RHOD: variants seen among roughly 807,000 people sequenced by gnomAD.
The protein encoded by RHOD is ras homolog family member D, also known as rho-related GTP-binding protein RhoD.
A neutral mutation model predicts 16.7 loss-of-function variants in RHOD; 11 were observed. The observed-to-expected ratio is 0.66, with a 90% CI of 0.41 to 1.09. The LOEUF is 1.09. RHOD is among the 50% of genes least tolerant of loss of function. The pLI is 0.00. For missense variants in RHOD, 271 were observed against 291.7 expected (o/e 0.93, Z 0.52); for synonymous variants, 124 against 126.3 (o/e 0.98, Z 0.12).
intron 3 of RHOD, 59 bp downstream of exon 3, chr11:67,066,906 C>T (rs1322343048): frequency 8.9e-7 from 1 of 1,128,688 alleles, no homozygotes; most frequent in Non-Finnish European, 1.4e-6. Context: ...CACTCTGCCA[C>T]CCACCCTCGA....
intron 4 of RHOD, among the ~76,000 whole-genome samples, chr11:67,070,942 A>G (rs1169006185): frequency 6.6e-6 from 1 of 152,112 alleles, no homozygotes; most frequent in Non-Finnish European, 1.5e-5. Flanking sequence ...GGTTAAAAAC[A>G]ACGAAGGCTG....
At chr11:67,062,952 G>A (rs555647706) in intron 1 of RHOD, among the ~76,000 whole-genome samples, 1 of 152,314 alleles carries the variant, frequency 6.6e-6, no homozygotes, top group South Asian at 2.1e-4. Context: ...ATTTTCATCT[G>A]TGTACAAAAC....
rs779217012 is a variant in RHOD at position 67,070,421 on chromosome 11, G to A, written c.331-4G>A. 6 of 1,613,572 alleles carry A rather than the reference G, an allele frequency of 3.7e-6. No homozygotes were observed. The highest frequency in any genetic ancestry group is 4.2e-6 in the Non-Finnish European group (5 of 1,179,856). ...CCCCCACATGCCCCCTCGCCCCCCT[G>A]CAGTGGTACCCAGAAGTGAATCATT... On this transcript the variant is annotated splice_polypyrimidine_tract_variant and splice_region_variant and intron_variant, in intron 3 of 4. Transcript: ENST00000308831.
At chr11:67,058,078 C>A (rs539629120) in intron 1 of RHOD, among the ~76,000 whole-genome samples, 1 of 152,230 alleles carries the variant, frequency 6.6e-6, no homozygotes, top group South Asian at 2.1e-4. Flanking sequence ...TCACTGCAAC[C>A]TCCGCCTCCT....
rs149212155 is a variant in RHOD at position 67,058,397 on chromosome 11, C to T, written c.132+1363C>T. ...TTCGCCATGTTGGCCAGAATGGTCT[C>T]GATCATTTGACCTGGTGATCCGCCC... On this transcript the variant is annotated intron_variant, in intron 1 of 4. Coordinates refer to ENST00000308831, the MANE Select transcript of RHOD (RefSeq NM_014578.4). 6.1e-3 allele frequency among the ~76,000 whole-genome samples: 935 copies of T among 152,208 alleles called. 9 individuals are homozygous for T. The highest frequency in any genetic ancestry group is 0.021 in the African/African-American group (864 of 41,536).
chr11:67,064,467 C>T (rs566872646), intron 1 of RHOD, among the ~76,000 whole-genome samples: 1 of 151,294 alleles, frequency 6.6e-6, no homozygotes, highest in Non-Finnish European at 1.5e-5. Context: ...TTGGGGCATT[C>T]TGGTAAGGGA....
At chr11:67,070,357 C>T (rs775339466) in intron 3 of RHOD, 68 bp from the exon 4 acceptor site, 3 of 1,536,394 alleles carry the variant, frequency 2.0e-6, no homozygotes, top group East Asian at 2.3e-5. Flanking sequence ...AGAGAGTGGT[C>T]CACTGAGAGG....
intron 3 of RHOD, among the ~76,000 whole-genome samples, chr11:67,067,722 C>T (rs1274295811): frequency 1.3e-5 from 2 of 152,140 alleles, no homozygotes; most frequent in East Asian, 3.8e-4. Context: ...GATTCTGAAT[C>T]GGTCTAGAAG....
chr11:67,067,716 C>T (rs1854975459), intron 3 of RHOD, among the ~76,000 whole-genome samples: 1 of 152,146 alleles, frequency 6.6e-6, no homozygotes, highest in African/African-American at 2.4e-5. Context: ...GGGGCTGATT[C>T]TGAATCGGTC....
chr11:67,067,665 G>A (rs1006652485), intron 3 of RHOD, among the ~76,000 whole-genome samples: 2 of 152,184 alleles, frequency 1.3e-5, no homozygotes, highest in Non-Finnish European at 2.9e-5. Flanking sequence ...AGAGATGGTG[G>A]TGCCTGGGGC....
intron 1 of RHOD, among the ~76,000 whole-genome samples, chr11:67,059,625 G>C (rs1321213501): frequency 2.6e-5 from 4 of 152,020 alleles, no homozygotes; most frequent in South Asian, 4.1e-4. Flanking sequence ...AGTTGGAAAG[G>C]CTTCATTTTG....
At chr11:67,062,055 C>T (rs1854899802) in intron 1 of RHOD, among the ~76,000 whole-genome samples, 2 of 152,076 alleles carry the variant, frequency 1.3e-5, no homozygotes, top group African/African-American at 4.8e-5. Context: ...TCAATCACCT[C>T]CCACCAGGTC....
intron 1 of RHOD, 86 bp from the exon 2 acceptor site, chr11:67,065,810 A>G (rs1854952254): frequency 1.2e-6 from 1 of 846,464 alleles, no homozygotes; most frequent in Non-Finnish European, 1.9e-6. Context: ...CTGACCCCCA[A>G]GGAGGGAGCA....
Position 67,066,830 on chromosome 11 carries a change from GACA to G in RHOD, c.317_319del (p.Asn106del). 4 of 1,612,934 alleles carry G rather than the reference GACA, an allele frequency of 2.5e-6. No individual in the cohort carries two copies. Among genetic ancestry groups the G allele is most frequent in the South Asian group, 2.2e-5 (2 of 91,036 alleles). On this transcript the variant is annotated inframe_deletion, in exon 3 of 5. Transcript: ENST00000308831. The stretch of plus-strand genomic sequence containing the variant: ...CGATGTCACCAGCCCGAACAGCTTT[GACA>G]ACATCTTTAACCGGGTAGGTACTGG...
At chr11:67,070,256 TA>T in intron 3 of RHOD, 168 bp from the exon 4 acceptor site, 1 of 763,778 alleles carries the variant, frequency 1.3e-6, no homozygotes, top group Non-Finnish European at 2.3e-6. Context: ...TCCATACGTG[TA>T]AATTCTTAGA....
rs1189734397 is a variant in RHOD at position 67,070,568 on chromosome 11, C to T, written c.465+9C>T. ...CTGTGACCTACCACAGGGTAGGAAA[C>T]CCAGCCCGAGGTGGGAGTTGGGGAG... On this transcript the variant is annotated intron_variant, in intron 4 of 4. Transcript: ENST00000308831. 1 of 1,613,862 alleles carries T rather than the reference C, an allele frequency of 6.2e-7. No homozygotes were observed. Among genetic ancestry groups the T allele is most frequent in the Non-Finnish European group, 8.5e-7 (1 of 1,179,982 alleles).
Position 67,071,470 on chromosome 11 carries a change from C to T in RHOD, c.501C>T (p.Ala167=), listed in dbSNP as rs1855028938. ...TGGCGAGGTCCGTGGGCGCGGTGGCCTACCTCGAGTGCTCGGCTCGGCTCC... is the reference window on the plus strand; with the variant it reads ...TGGCGAGGTCCGTGGGCGCGGTGGCTTACCTCGAGTGCTCGGCTCGGCTCC... ...QEMARSVGAV[A]YLECSARLHD... is the part of the protein sequence containing the mutation. Residue 167 remains alanine (A), a synonymous_variant, in exon 5 of 5, where the codon GCC becomes GCT. Coordinates refer to ENST00000308831, the MANE Select transcript of RHOD (RefSeq NM_014578.4). The T allele has an allele frequency of 4.4e-6, 7 of 1,605,234 alleles. No individual in the cohort carries two copies. The highest frequency in any genetic ancestry group is 5.9e-6 in the Non-Finnish European group (7 of 1,176,822).
At chr11:67,068,776 C>T (rs1854989816) in intron 3 of RHOD, among the ~76,000 whole-genome samples, 1 of 151,852 alleles carries the variant, frequency 6.6e-6, no homozygotes, top group South Asian at 2.1e-4. Context: ...CACTGCACTC[C>T]AGTCTGGGCG....
intron 1 of RHOD, among the ~76,000 whole-genome samples, chr11:67,061,238 ACCTGTAATC>A (rs1157973150): frequency 6.6e-6 from 1 of 151,906 alleles, no homozygotes; most frequent in Non-Finnish European, 1.5e-5. Flanking sequence ...GGTGGCTCAC[ACCTGTAATC>A]CCTGCTCTTT....
Sources: gnomAD v4.1 joint callset for allele counts (sites outside exome capture counted in the v4.1 genomes callset) on GRCh38, gnomAD v4.1.1 for gene constraint, MANE v1.5 for transcripts, NCBI Gene and HGNC (gene_info 2026-07-23, HGNC 2026-07-21) for gene names.